The following CTH variants were observed in gnomAD, a reference collection of about 807,000 sequenced individuals.
CTH encodes cystathionase (cystathionine gamma-lyase).
CTH carries 41 observed loss-of-function variants against 50.6 expected under a neutral mutation model. The ratio of observed to expected loss-of-function variants is 0.81; its 90% CI spans 0.63 to 1.05. The LOEUF is 1.05. CTH is among the 50% of genes least tolerant of loss of function. The pLI is 0.00. For missense variants in CTH, 470 were observed against 492.6 expected (o/e 0.95, Z 0.43); for synonymous variants, 156 against 168.9 (o/e 0.92, Z 0.59).
At position 70,432,662 on chromosome 1, in the gene CTH, C is replaced by T. The variant is rs538681325; in HGVS notation, c.877+427C>T. On this transcript the variant is annotated intron_variant, in intron 8 of 11. Transcript: ENST00000370938. ...GACTTGATATTAGGTGCTAAAATTC[C>T]CCTGAGGTTCTCTCTCTCTCTTTTT... Among the ~76,000 whole-genome samples the T allele has an allele frequency of 2.0e-5, 3 of 150,224 alleles. No homozygotes were observed. In the South Asian group the frequency reaches 6.4e-4, roughly 32 times the overall value.
chr1:70,438,790 C>G lies in CTH; in HGVS notation c.1155C>G (p.Asp385Glu). Reference sequence around the variant, plus strand: ...CTGTGGGCTTAGAGGATGAGGAAGACCTACTGGAAGATCTAGATCAAGCTT... The same window carrying G: ...CTGTGGGCTTAGAGGATGAGGAAGAGCTACTGGAAGATCTAGATCAAGCTT... ...RLSVGLEDEE[D>E]LLEDLDQALK... The change falls in exon 11 of 12, where the codon GAC becomes GAG. Residue 385 changes from aspartate to glutamate, a missense_variant. Coordinates refer to ENST00000370938, the MANE Select transcript of CTH (RefSeq NM_001902.6). The G allele has an allele frequency of 6.2e-7, 1 of 1,613,528 alleles. No individual in the cohort carries two copies. Among genetic ancestry groups the G allele is most frequent in the East Asian group, 2.2e-5 (1 of 44,818 alleles).
chr1:70,432,189 C>T lies in CTH; in HGVS notation c.831C>T (p.Ala277=). The T allele has an allele frequency of 6.2e-7, 1 of 1,614,154 alleles. No individual in the cohort carries two copies. Among genetic ancestry groups the T allele is most frequent in the Non-Finnish European group, 8.5e-7 (1 of 1,180,026 alleles). Residue 277 remains alanine (A), a synonymous_variant, in exon 8 of 12, where the codon GCC becomes GCT. Coordinates refer to ENST00000370938, the MANE Select transcript of CTH (RefSeq NM_001902.6). ...ATTTCAAAAACGGAATGGCAGTTGC[C>T]CAGTTCCTGGAATCTAATCCTTGGG... is the stretch of plus-strand genomic sequence containing the variant. ...EKHFKNGMAV[A]QFLESNPWVE... is the part of the protein sequence containing the mutation.
chr1:70,424,077 A>G (rs1684289022), intron 4 of CTH, among the ~76,000 whole-genome samples: 1 of 152,194 alleles, frequency 6.6e-6, no homozygotes, highest in Non-Finnish European at 1.5e-5. Flanking sequence ...GGTATTACCA[A>G]CCCAATTATA....
At chr1:70,428,687 T>A (rs1346424818) in intron 5 of CTH, among the ~76,000 whole-genome samples, 1 of 152,076 alleles carries the variant, frequency 6.6e-6, no homozygotes. Context: ...AAAAGCTCAC[T>A]GCAACCTCTG....
chr1:70,421,658 A>G lies in CTH; in HGVS notation c.439A>G (p.Ile147Val), dbSNP rs766387754. The G allele has an allele frequency of 1.1e-5, 17 of 1,613,814 alleles. No homozygotes were observed. Among genetic ancestry groups the G allele is most frequent in the Non-Finnish European group, 1.4e-5 (17 of 1,179,906 alleles). ...CSKIKLLEAAITPETKLVWIE... is the reference protein window; with the variant it reads ...CSKIKLLEAAVTPETKLVWIE... ...CAAAATCAAATTACTAGAGGCAGCA[A>G]TTACACCAGAAACCAAGGTAACTCA... Residue 147 changes from isoleucine to valine, a missense_variant, in exon 4 of 12, where the codon ATT becomes GTT. By Grantham distance (29) the Ile-to-Val change is conservative. Coordinates refer to ENST00000370938, the MANE Select transcript of CTH (RefSeq NM_001902.6).
chr1:70,424,756 C>T (rs1684310428), intron 5 of CTH, among the ~76,000 whole-genome samples: 2 of 152,228 alleles, frequency 1.3e-5, no homozygotes, highest in African/African-American at 4.8e-5. Flanking sequence ...GGTGAAACCC[C>T]GTCTCTACTA....
chr1:70,421,715 G>A (rs751981303), intron 4 of CTH, 40 bp downstream of exon 4: 6 of 1,588,616 alleles, frequency 3.8e-6, no homozygotes, highest in South Asian at 3.3e-5. Context: ...TTTTTCCTTC[G>A]ATGTTTTGTT....
chr1:70,430,490 A>G (rs912826052), intron 7 of CTH, 96 bp downstream of exon 7: 2 of 698,110 alleles, frequency 2.9e-6, no homozygotes, highest in Non-Finnish European at 5.2e-6. Flanking sequence ...TGGCATTCTA[A>G]TAATTTATGA....
chr1:70,415,818 G>T, intron 1 of CTH, 138 bp from the exon 2 acceptor site: 1 of 690,326 alleles, frequency 1.4e-6, no homozygotes, highest in South Asian at 1.5e-5. Flanking sequence ...GCACTGTTCT[G>T]CTTCTGTATT....
chr1:70,438,268 CTAAT>C (rs1684638793), intron 10 of CTH, among the ~76,000 whole-genome samples: 1 of 152,186 alleles, frequency 6.6e-6, no homozygotes. Context: ...TCAGAGGAAA[CTAAT>C]TATGACAGGC....
intron 9 of CTH, among the ~76,000 whole-genome samples, chr1:70,434,374 G>A (rs1684548300): frequency 6.6e-6 from 1 of 152,174 alleles, no homozygotes. Context: ...CAAAAAGCCA[G>A]GAGGAGGCTC....
intron 10 of CTH, among the ~76,000 whole-genome samples, 155 bp from the exon 11 acceptor site, chr1:70,438,533 G>A (rs149883960): frequency 3.1e-4 from 47 of 152,214 alleles, no homozygotes; most frequent in African/African-American, 9.4e-4. Context: ...GATAAGTTTC[G>A]TAATTTTCTC....
intron 7 of CTH, chr1:70,431,109 C>G (rs956563748): frequency 2.0e-5 from 3 of 151,900 alleles, no homozygotes; most frequent in African/African-American, 7.3e-5. Flanking sequence ...GCCTGGGAGG[C>G]GAAGGTTGCA....
chr1:70,411,792 C>A, intron 1 of CTH: 19 of 684,560 alleles, frequency 2.8e-5, no homozygotes, highest in South Asian at 6.5e-5. Context: ...CTGGAAGGAG[C>A]CGTTTGTCCA....
At chr1:70,412,066 C>T (rs1272708952) in intron 1 of CTH, among the ~76,000 whole-genome samples, 1 of 152,214 alleles carries the variant, frequency 6.6e-6, no homozygotes, top group Non-Finnish European at 1.5e-5. Context: ...ATTGTCTCAT[C>T]TAATCCTAAC....
intron 1 of CTH, 97 bp from the exon 2 acceptor site, chr1:70,415,859 A>G: frequency 1.3e-6 from 1 of 754,642 alleles, no homozygotes; most frequent in Non-Finnish European, 2.4e-6. Context: ...TAAAGAATAG[A>G]AACTAATTAT....
At chr1:70,419,848 T>C (rs187986891) in intron 3 of CTH, among the ~76,000 whole-genome samples, 4 of 152,338 alleles carry the variant, frequency 2.6e-5, no homozygotes, top group African/African-American at 9.6e-5. Flanking sequence ...AATATACATA[T>C]ACATATATTC....
At chr1:70,411,609 C>T (rs1683966629) in intron 1 of CTH, 26 bp downstream of exon 1, 1 of 1,607,202 alleles carries the variant, frequency 6.2e-7, no homozygotes, top group Non-Finnish European at 8.5e-7. Context: ...CTGGGGCTGT[C>T]CACAGTTGGG....
rs968434907 is a variant in CTH, at chr1:70,422,177, C to T, written c.456+502C>T. ...AAGAAGCCTGCCAAACCCCCAAACT[C>T]GAAGCACAGTGGCTTTGCCGGGCTG... On this transcript the variant is annotated intron_variant, in intron 4 of 11. Coordinates refer to ENST00000370938, the MANE Select transcript of CTH (RefSeq NM_001902.6). Among the ~76,000 whole-genome samples, 10 of 152,328 alleles carry T rather than the reference C, an allele frequency of 6.6e-5. No individual in the cohort carries two copies. The East Asian group carries it at 9.6e-4, about 15-fold the overall frequency.
Sources: gnomAD v4.1 joint callset for allele counts (sites outside exome capture counted in the v4.1 genomes callset) on GRCh38, gnomAD v4.1.1 for gene constraint, MANE v1.5 for transcripts, NCBI Gene and HGNC (gene_info 2026-07-23, HGNC 2026-07-21) for gene names.